The following NALF1 variants were observed in gnomAD, a reference collection of about 807,000 sequenced individuals.
NALF1 encodes the protein NALCN channel auxiliary factor 1.
A neutral mutation model predicts 48.4 loss-of-function variants in NALF1; 3 were observed. That is an observed-to-expected ratio of 0.06 (90% CI 0.03 to 0.16). NALF1 has a LOEUF of 0.16. Among genes scored for constraint, NALF1 ranks in the 10% least tolerant of loss-of-function variants. The pLI is 1.00. For missense variants in NALF1, 526 were observed against 571.5 expected, an observed-to-expected ratio of 0.92 and a Z score of 0.81; for synonymous variants, 262 against 245.7, an observed-to-expected ratio of 1.07 and a Z score of -0.62.
At chr13:107,253,260 G>T (rs1880741086) in intron 1 of NALF1, among the ~76,000 whole-genome samples, 3 of 150,948 alleles carry the variant, frequency 2.0e-5, no homozygotes, top group Middle Eastern at 7.0e-3. Flanking sequence ...TTCATCAAGT[G>T]ATAACTTTGT....
chr13:107,577,059 A>G (rs1439404934), intron 1 of NALF1, among the ~76,000 whole-genome samples: 1 of 152,124 alleles, frequency 6.6e-6, no homozygotes, highest in Non-Finnish European at 1.5e-5. Flanking sequence ...TCTTTTTCAT[A>G]TAATAAACTG....
chr13:107,351,858 G>A (rs965084620), intron 1 of NALF1, among the ~76,000 whole-genome samples: 3 of 152,162 alleles, frequency 2.0e-5, no homozygotes, highest in Non-Finnish European at 4.4e-5. Context: ...TGCAGCCTGC[G>A]GGCTGGCCAT....
chr13:107,366,880 G>A (rs757159041), intron 1 of NALF1, among the ~76,000 whole-genome samples: 23 of 152,178 alleles, frequency 1.5e-4, no homozygotes, highest in Non-Finnish European at 2.9e-4. Context: ...GCAGAAACAC[G>A]TACATACTTT....
At chr13:107,817,208 T>C (rs907922111) in intron 1 of NALF1, among the ~76,000 whole-genome samples, 4 of 152,320 alleles carry the variant, frequency 2.6e-5, no homozygotes, top group South Asian at 2.1e-4. Flanking sequence ...ATCTAAAATA[T>C]ATGTCACTGC....
At chr13:107,648,474 T>C (rs1013096529) in intron 1 of NALF1, among the ~76,000 whole-genome samples, 2 of 152,188 alleles carry the variant, frequency 1.3e-5, no homozygotes, top group African/African-American at 4.8e-5. Context: ...CTTAGCCATA[T>C]GCATTTAATG....
intron 1 of NALF1, among the ~76,000 whole-genome samples, chr13:107,429,652 T>C (rs1884341566): frequency 6.6e-6 from 1 of 152,198 alleles, no homozygotes; most frequent in African/African-American, 2.4e-5. Flanking sequence ...TCAACAGGGT[T>C]ATCAATGACT....
chr13:107,248,356 A>G (rs970459315), intron 1 of NALF1, among the ~76,000 whole-genome samples: 1 of 152,058 alleles, frequency 6.6e-6, no homozygotes, highest in African/African-American at 2.4e-5. Flanking sequence ...GTTAGAACCT[A>G]TCATTCCTGC....
At chr13:107,332,560 T>C (rs979164965) in intron 1 of NALF1, among the ~76,000 whole-genome samples, 11 of 152,234 alleles carry the variant, frequency 7.2e-5, no homozygotes, top group African/African-American at 2.2e-4. Flanking sequence ...CATATTTCTA[T>C]AGAAACAACT....
intron 1 of NALF1, among the ~76,000 whole-genome samples, chr13:107,749,851 G>C (rs940561115): frequency 6.6e-6 from 1 of 151,702 alleles, no homozygotes; most frequent in Admixed American, 6.6e-5. Context: ...ACAGAGTCTT[G>C]CTCTGTCTCC....
intron 1 of NALF1, among the ~76,000 whole-genome samples, chr13:107,619,830 G>A (rs528729114): frequency 6.2e-4 from 95 of 152,182 alleles, no homozygotes; most frequent in African/African-American, 1.8e-3. Context: ...AGGTAACCAT[G>A]TCATATGATA....
intron 1 of NALF1, among the ~76,000 whole-genome samples, chr13:107,734,617 C>G (rs1459142474): frequency 2.6e-5 from 4 of 152,068 alleles, no homozygotes; most frequent in Non-Finnish European, 5.9e-5. Flanking sequence ...GATGCATTTT[C>G]AAATCCCCGT....
rs114510316 is a variant in NALF1, at chr13:107,696,668, T to C, written c.915+169014A>G. Among the ~76,000 whole-genome samples, 927 of 152,148 alleles carry C rather than the reference T, an allele frequency of 6.1e-3. 8 individuals carry two copies. Among genetic ancestry groups the C allele is most frequent in the African/African-American group, 0.021 (887 of 41,522 alleles). ...GTTTTACAAAAATGTTGGGGACTTA[T>C]ATTAGGTAGTGCATATGTAAAAGAA... On this transcript the variant is annotated intron_variant, in intron 1 of 2. Transcript: ENST00000375915.
chr13:107,283,604 A>T (rs1881430643), intron 1 of NALF1, among the ~76,000 whole-genome samples: 1 of 151,710 alleles, frequency 6.6e-6, no homozygotes, highest in Non-Finnish European at 1.5e-5. Context: ...TGGATGAAGC[A>T]GAGCGGATCT....
rs771888634 is a variant in NALF1, at chr13:107,802,832, A to C, written c.915+62850T>G. On this transcript the variant is annotated intron_variant, in intron 1 of 2. Coordinates refer to ENST00000375915, the MANE Select transcript of NALF1 (RefSeq NM_001080396.3). ...ATTTTTATACCATTCCCATTACTAC[A>C]TTTTATTAGTTTGAATGCTTACCTT... 9.8e-5 allele frequency among the ~76,000 whole-genome samples: 15 copies of C among 152,316 alleles called. No homozygotes were observed. The South Asian group carries it at 1.5e-3, about 15-fold the overall frequency.
intron 1 of NALF1, among the ~76,000 whole-genome samples, chr13:107,648,559 C>A (rs1382264906): frequency 6.6e-6 from 1 of 152,068 alleles, no homozygotes; most frequent in Non-Finnish European, 1.5e-5. Flanking sequence ...TATAGATATA[C>A]AAAAGTTTGT....
chr13:107,713,608 G>C (rs1372187901), intron 1 of NALF1, among the ~76,000 whole-genome samples: 1 of 152,114 alleles, frequency 6.6e-6, no homozygotes, highest in Non-Finnish European at 1.5e-5. Context: ...TTACAAACTG[G>C]TGTTCTTAAC....
intron 1 of NALF1, among the ~76,000 whole-genome samples, chr13:107,698,272 T>C (rs911943219): frequency 2.6e-5 from 4 of 152,202 alleles, no homozygotes; most frequent in African/African-American, 9.6e-5. Flanking sequence ...TGTGCTAGTA[T>C]GTCCAAATTG....
chr13:107,654,861 T>C (rs753695052), intron 1 of NALF1, among the ~76,000 whole-genome samples: 24 of 152,156 alleles, frequency 1.6e-4, no homozygotes, highest in Middle Eastern at 3.4e-3. Flanking sequence ...AGTCAATAAA[T>C]GTGATACACC....
intron 1 of NALF1, among the ~76,000 whole-genome samples, chr13:107,689,214 T>C (rs1363369544): frequency 6.6e-6 from 1 of 152,212 alleles, no homozygotes; most frequent in East Asian, 1.9e-4. Context: ...GCCAGTACTT[T>C]TCACCTTCTC....
Sources: gnomAD v4.1 joint callset for allele counts (sites outside exome capture counted in the v4.1 genomes callset) on GRCh38, gnomAD v4.1.1 for gene constraint, MANE v1.5 for transcripts, NCBI Gene and HGNC (gene_info 2026-07-23, HGNC 2026-07-21) for gene names.